Variants in VTI1A observed in about 807,000 individuals in gnomAD.
VTI1A encodes the protein vesicle transport through interaction with t-SNAREs homolog 1A.
VTI1A carries 22 observed loss-of-function variants against 34.9 expected under a neutral mutation model. The observed-to-expected ratio is 0.63, with a 90% confidence interval of 0.45 to 0.90. The LOEUF (loss-of-function observed/expected upper bound fraction) is 0.90. Among genes scored for constraint, VTI1A ranks in the 40% least tolerant of loss-of-function variants. The pLI, the probability that VTI1A is intolerant of heterozygous loss-of-function variation, is 0.00. For synonymous variants in VTI1A, 87 were observed against 97.3 expected (o/e 0.89, Z 0.62); for missense variants, 268 against 275.6 (o/e 0.97, Z 0.20).
intron 7 of VTI1A, among the ~76,000 whole-genome samples, chr10:112,760,954 A>T (rs1044503520): frequency 3.9e-5 from 6 of 152,104 alleles, no homozygotes; most frequent in Non-Finnish European, 1.5e-5. Flanking sequence ...GTATAATATT[A>T]ACTTCACATT....
At chr10:112,546,060 GTA>G (rs1455442383) in intron 5 of VTI1A, among the ~76,000 whole-genome samples, 14 of 150,210 alleles carry the variant, frequency 9.3e-5, no homozygotes, top group East Asian at 7.9e-4. Flanking sequence ...GTGTATACGC[GTA>G]TGTGTGTGTA....
intron 1 of VTI1A, among the ~76,000 whole-genome samples, chr10:112,451,114 T>G (rs1847220032): frequency 6.6e-6 from 1 of 152,216 alleles, no homozygotes; most frequent in Non-Finnish European, 1.5e-5. Context: ...TACAGCAAAA[T>G]GATTCAGATT....
At chr10:112,463,413 G>A (rs938675902) in intron 2 of VTI1A, among the ~76,000 whole-genome samples, 1 of 152,116 alleles carries the variant, frequency 6.6e-6, no homozygotes, top group Non-Finnish European at 1.5e-5. Flanking sequence ...CAGCTGCTCT[G>A]TGAAAAAGAC....
the VTI1A span, among the ~76,000 whole-genome samples, chr10:112,848,282 A>G: frequency 2.6e-5 from 4 of 152,144 alleles, no homozygotes; most frequent in Non-Finnish European, 1.5e-5. Flanking sequence ...TTAACTAGCC[A>G]TTTCTGGGCC....
At chr10:112,550,798 A>G (rs1851321011) in intron 5 of VTI1A, among the ~76,000 whole-genome samples, 1 of 152,098 alleles carries the variant, frequency 6.6e-6, no homozygotes, top group Non-Finnish European at 1.5e-5. Context: ...GAAAAAGGAA[A>G]AAGGCTTTTT....
At chr10:112,674,243 T>C (rs1451422105) in intron 7 of VTI1A, among the ~76,000 whole-genome samples, 2 of 152,362 alleles carry the variant, frequency 1.3e-5, no homozygotes, top group East Asian at 3.9e-4. Flanking sequence ...AAAATCTCAA[T>C]GTCTAAACTG....
At chr10:112,451,371 C>T (rs1351010255) in intron 1 of VTI1A, among the ~76,000 whole-genome samples, 1 of 152,208 alleles carries the variant, frequency 6.6e-6, no homozygotes, top group Admixed American at 6.5e-5. Context: ...CTGCTGAAGA[C>T]AACAGTTGGT....
intron 3 of VTI1A, among the ~76,000 whole-genome samples, chr10:112,514,751 G>C (rs1227092206): frequency 6.6e-6 from 1 of 151,904 alleles, no homozygotes; most frequent in African/African-American, 2.4e-5. Flanking sequence ...ATGTTTTACT[G>C]TCAGATAGCT....
chr10:112,769,433 T>G (rs1010247159), intron 7 of VTI1A, among the ~76,000 whole-genome samples: 2 of 152,224 alleles, frequency 1.3e-5, no homozygotes, highest in Non-Finnish European at 2.9e-5. Flanking sequence ...GTGAGTTGAC[T>G]TAAAGTCCAA....
At chr10:112,484,203 CA>C (rs1848543540) in intron 3 of VTI1A, among the ~76,000 whole-genome samples, 1 of 152,216 alleles carries the variant, frequency 6.6e-6, no homozygotes, top group Non-Finnish European at 1.5e-5. Flanking sequence ...TGCCATTGGG[CA>C]AGTCATTGTG....
In VTI1A at chr10:112,794,123, T is replaced by C. The variant is rs1216237072; in HGVS notation, c.561-21167T>C. ...AAGGAAAAAGGTGATGTTTTTGTAC[T>C]GTGGGGAAGAGGGGGCTGGATCATA... On this transcript the variant is annotated intron_variant, in intron 7 of 7. Coordinates refer to ENST00000393077, the MANE Select transcript of VTI1A (RefSeq NM_145206.4). 2.0e-5 allele frequency among the ~76,000 whole-genome samples: 3 copies of C among 152,198 alleles called. No individual in the cohort carries two copies. The South Asian group carries it at 6.2e-4, about 31-fold the overall frequency.
rs530890461 is a variant in VTI1A, at chr10:112,557,470, A to C, written c.427+19140A>C. On this transcript the variant is annotated intron_variant, in intron 5 of 7. Coordinates refer to ENST00000393077, the MANE Select transcript of VTI1A (RefSeq NM_145206.4). ...AAAGCAATTATAGCATGAAGACCAC[A>C]ATCTGAATGAAAAATATTGCTGAAG... 1.0e-3 allele frequency among the ~76,000 whole-genome samples: 158 copies of C among 152,332 alleles called. 1 individual carries two copies. The highest frequency in any genetic ancestry group is 4.3e-3 in the South Asian group (21 of 4,830).
chr10:112,628,220 A>G (rs1845995815), intron 5 of VTI1A, among the ~76,000 whole-genome samples: 1 of 152,208 alleles, frequency 6.6e-6, no homozygotes, highest in Non-Finnish European at 1.5e-5. Flanking sequence ...AATCATTCAC[A>G]TGTTGCTGGA....
At chr10:112,783,563 T>G (rs1318627711) in intron 7 of VTI1A, among the ~76,000 whole-genome samples, 2 of 152,248 alleles carry the variant, frequency 1.3e-5, no homozygotes, top group Non-Finnish European at 2.9e-5. Flanking sequence ...CAATAAAAAT[T>G]TATGCATTGC....
At chr10:112,633,103 C>T (rs367792659) in intron 5 of VTI1A, among the ~76,000 whole-genome samples, 5 of 152,206 alleles carry the variant, frequency 3.3e-5, no homozygotes, top group East Asian at 1.9e-4. Context: ...GGGCAGATCA[C>T]GAGGTCAGGA....
intron 5 of VTI1A, among the ~76,000 whole-genome samples, chr10:112,558,955 A>G (rs11815469): frequency 0.14 from 21,711 of 152,092 alleles, 2,554 homozygotes; most frequent in African/African-American, 0.31. Context: ...CAGCTTTACT[A>G]GAAAGCAAAG....
intron 4 of VTI1A, among the ~76,000 whole-genome samples, chr10:112,530,919 A>C (rs1021870708): frequency 1.4e-4 from 22 of 152,178 alleles, no homozygotes; most frequent in African/African-American, 5.1e-4. Context: ...TAAGTTCAGA[A>C]AATTGTGTGT....
At chr10:112,566,474 CCTT>C (rs1180510582) in intron 5 of VTI1A, among the ~76,000 whole-genome samples, 2 of 152,296 alleles carry the variant, frequency 1.3e-5, no homozygotes, top group Admixed American at 6.5e-5. Flanking sequence ...ATTTAAACGT[CCTT>C]CTTTGATCTT....
chr10:112,549,488 G>C (rs1442184327), intron 5 of VTI1A, among the ~76,000 whole-genome samples: 1 of 152,128 alleles, frequency 6.6e-6, no homozygotes, highest in East Asian at 1.9e-4. Flanking sequence ...AAATTGTTGC[G>C]AAAATAACAA....
Sources: allele counts gnomAD v4.1 joint callset (sites outside exome capture counted in the v4.1 genomes callset), GRCh38; gene constraint gnomAD v4.1.1; transcripts MANE v1.5; gene names NCBI Gene and HGNC (gene_info 2026-07-23, HGNC 2026-07-21).